The following ZMYND8 variants were observed in gnomAD, a reference collection of about 807,000 sequenced individuals.
ZMYND8 encodes the protein zinc finger MYND-type containing 8.
In ZMYND8, 37 loss-of-function variants were observed where a neutral mutation model predicts 140.8. The observed-to-expected ratio is 0.26, with a 90% confidence interval of 0.20 to 0.35. The LOEUF (loss-of-function observed/expected upper bound fraction) is 0.35. Among genes scored for constraint, ZMYND8 ranks in the 10% least tolerant of loss-of-function variants. The pLI is 1.00. For missense variants in ZMYND8, 1,068 were observed against 1,570.0 expected (o/e 0.68, Z 5.40); for synonymous variants, 592 against 597.1 (o/e 0.99, Z 0.12).
intron 21 of ZMYND8, among the ~76,000 whole-genome samples, chr20:47,215,832 G>A (rs1448271819): frequency 2.2e-4 from 34 of 152,228 alleles, no homozygotes; most frequent in Admixed American, 2.0e-3. Flanking sequence ...GCAGCGACAC[G>A]TGGCTAGTGG....
intron 1 of ZMYND8, chr20:47,348,328 G>C (rs2082498367): frequency 4.3e-6 from 1 of 233,972 alleles, no homozygotes; most frequent in African/African-American, 2.3e-5. Flanking sequence ...AATTCTGATC[G>C]CTGAATACTT....
At chr20:47,241,819 CTTTTTT>C (rs536750853) in intron 14 of ZMYND8, among the ~76,000 whole-genome samples, 1 of 137,892 alleles carries the variant, frequency 7.3e-6, no homozygotes, top group Admixed American at 7.2e-5. Context: ...TTTTTCTTTT[CTTTTTT>C]TTTTTTTTTT....
At position 47,249,450 on chromosome 20, in the gene ZMYND8, CCAT is replaced by C; in HGVS notation, c.1622-14_1622-12del. 1 of 1,613,598 alleles carries C rather than the reference CCAT, an allele frequency of 6.2e-7. No homozygotes were observed. Among genetic ancestry groups the C allele is most frequent in the Non-Finnish European group, 8.5e-7 (1 of 1,179,644 alleles). Reference sequence around the variant, plus strand: ...CAGCTTTGCTTCGATCTGAAAGAAACCATCACACCCTCGTAAGATCAGGCACAC... The same window carrying C: ...CAGCTTTGCTTCGATCTGAAAGAAACCACACCCTCGTAAGATCAGGCACAC... On this transcript the variant is annotated splice_polypyrimidine_tract_variant and intron_variant, in intron 12 of 22. Coordinates refer to ENST00000471951, the MANE Select transcript of ZMYND8 (RefSeq NM_001281775.3).
At chr20:47,334,173 A>G (rs2081202383) in intron 2 of ZMYND8, among the ~76,000 whole-genome samples, 1 of 152,144 alleles carries the variant, frequency 6.6e-6, no homozygotes, top group Non-Finnish European at 1.5e-5. Context: ...TTGTTTGTTT[A>G]CCCTCGTGAT....
intron 2 of ZMYND8, among the ~76,000 whole-genome samples, chr20:47,311,132 G>C (rs1383374509): frequency 6.6e-6 from 1 of 152,208 alleles, no homozygotes; most frequent in Non-Finnish European, 1.5e-5. Flanking sequence ...GCTATGAACT[G>C]TAATTGTGTG....
intron 13 of ZMYND8, 45 bp downstream of exon 13, chr20:47,249,242 T>C (rs1351946999): frequency 1.3e-6 from 2 of 1,594,056 alleles, no homozygotes; most frequent in African/African-American, 1.4e-5. Flanking sequence ...CCAGTAATGA[T>C]AACAATGATA....
chr20:47,221,275 G>T, intron 20 of ZMYND8, 39 bp downstream of exon 20: 1 of 1,610,868 alleles, frequency 6.2e-7, no homozygotes, highest in East Asian at 2.2e-5. Context: ...TGGCACAAAG[G>T]GTAGATGTCA....
chr20:47,247,697 T>C (rs750340224), intron 13 of ZMYND8, among the ~76,000 whole-genome samples: 10 of 152,238 alleles, frequency 6.6e-5, no homozygotes, highest in Non-Finnish European at 1.5e-4. Context: ...ATGGTGCCAC[T>C]GTCCGACTTG....
rs750734257 is a variant in ZMYND8, at chr20:47,210,901, A to G, written c.3569-4T>C. The G allele has an allele frequency of 1.2e-6, 2 of 1,613,228 alleles. No individual in the cohort carries two copies. The highest frequency in any genetic ancestry group is 2.2e-5 in the South Asian group (2 of 91,060). ...GATTTATTACTCCGGGAATGGTCTG[A>G]GGGGGAAAACCAATGTGTTTAGCGT... is the stretch of plus-strand genomic sequence containing the variant. On this transcript the variant is annotated splice_region_variant and splice_polypyrimidine_tract_variant and intron_variant, in intron 22 of 22. Transcript: ENST00000471951.
chr20:47,338,184 G>A (rs12106032), intron 2 of ZMYND8, among the ~76,000 whole-genome samples: 4,539 of 152,102 alleles, frequency 0.03, 216 homozygotes, highest in African/African-American at 0.11. Flanking sequence ...CAGGATATTA[G>A]CCCTTCCCTG....
Position 47,210,245 on chromosome 20 carries a change from G to A in ZMYND8, c.*516C>T, listed in dbSNP as rs1158926835. 6.4e-6 allele frequency: 1 copy of A among 156,168 alleles called. No homozygotes were observed. Among genetic ancestry groups the A allele is most frequent in the African/African-American group, 2.4e-5 (1 of 41,446 alleles). 9.7% of individuals were successfully genotyped at this position (156,168 alleles called of 1,614,324 possible). A position where few individuals can be genotyped will look rare whatever the true frequency, so the allele number is the denominator to read the frequency against. ...TCCCGATCCCAACATGCTGCGTACA[G>A]ACACACGAGCGAAAACGGTTCGCCC... is the stretch of plus-strand genomic sequence containing the variant. On this transcript the variant is annotated 3_prime_UTR_variant, in exon 23 of 23. Transcript: ENST00000471951.
chr20:47,255,690 TATATATATATATATATATACC>T (rs2074578605), intron 12 of ZMYND8, among the ~76,000 whole-genome samples: 5 of 83,430 alleles, frequency 6.0e-5, no homozygotes, highest in African/African-American at 2.7e-4. Context: ...TGTGTGTGTG[TATATATATATATATATATACC>T]GTGTATGTGT....
chr20:47,294,591 G>A, intron 5 of ZMYND8, 75 bp downstream of exon 5: 1 of 1,407,248 alleles, frequency 7.1e-7, no homozygotes, highest in Non-Finnish European at 1.0e-6. Context: ...TACCTAAAAA[G>A]CTAAGCTATT....
intron 20 of ZMYND8, among the ~76,000 whole-genome samples, chr20:47,221,100 G>C (rs953790084): frequency 1.3e-5 from 2 of 152,142 alleles, no homozygotes; most frequent in African/African-American, 4.8e-5. Flanking sequence ...TCTACACTTT[G>C]AGGGTCCCCA....
chr20:47,309,919 T>C, intron 3 of ZMYND8, 137 bp downstream of exon 3: 1 of 1,226,806 alleles, frequency 8.2e-7, no homozygotes, highest in South Asian at 1.4e-5. Context: ...TCTTTTTTTG[T>C]CCAAGGCAAA....
intron 14 of ZMYND8, among the ~76,000 whole-genome samples, chr20:47,245,408 C>T (rs181011180): frequency 2.9e-4 from 44 of 152,144 alleles, no homozygotes; most frequent in African/African-American, 9.6e-4. Context: ...TACCACGCCC[C>T]GCTAATTTTT....
At chr20:47,229,096 G>T (rs1034635182) in intron 17 of ZMYND8, among the ~76,000 whole-genome samples, 2 of 151,218 alleles carry the variant, frequency 1.3e-5, no homozygotes, top group African/African-American at 4.9e-5. Context: ...CCTGGGCTCA[G>T]GCAATCCTCC....
chr20:47,346,769 A>C (rs2082367456), intron 2 of ZMYND8, among the ~76,000 whole-genome samples: 1 of 152,050 alleles, frequency 6.6e-6, no homozygotes, highest in Non-Finnish European at 1.5e-5. Context: ...ACCATGCCCG[A>C]CTAATTTTTG....
chr20:47,332,827 G>A (rs2081064817), intron 2 of ZMYND8, among the ~76,000 whole-genome samples: 2 of 152,308 alleles, frequency 1.3e-5, no homozygotes, highest in South Asian at 4.1e-4. Context: ...GAAATGATGT[G>A]TCGTGTCTGC....
Sources: gnomAD v4.1 joint callset for allele counts (sites outside exome capture counted in the v4.1 genomes callset) on GRCh38, gnomAD v4.1.1 for gene constraint, MANE v1.5 for transcripts, NCBI Gene and HGNC (gene_info 2026-07-23, HGNC 2026-07-21) for gene names.